Variants in NRXN3 observed in about 807,000 individuals in gnomAD.
NRXN3 encodes neurexin III.
Under a neutral mutation model 137.6 loss-of-function variants are expected in NRXN3, and 32 were observed. The ratio of observed to expected loss-of-function variants is 0.23; its 90% CI spans 0.18 to 0.31. NRXN3 has a LOEUF of 0.31. Among genes scored for constraint, NRXN3 ranks in the 10% least tolerant of loss-of-function variants. The probability of loss-of-function intolerance (pLI) is 1.00; values close to 1 mark genes in which losing one functional copy is unlikely to be tolerated. For synonymous variants in NRXN3, 798 were observed against 784.5 expected, an observed-to-expected ratio of 1.02 and a Z score of -0.29; for missense variants, 1,574 against 2,062.5, an observed-to-expected ratio of 0.76 and a Z score of 4.59.
At chr14:79,653,662 T>C (rs1198600159) in intron 16 of NRXN3, among the ~76,000 whole-genome samples, 1 of 152,192 alleles carries the variant, frequency 6.6e-6, no homozygotes, top group African/African-American at 2.4e-5. Context: ...TTATGCCTAA[T>C]TGAGTGAGCT....
intron 19 of NRXN3, among the ~76,000 whole-genome samples, chr14:79,761,806 C>G (rs1017797944): frequency 3.3e-5 from 5 of 151,020 alleles, no homozygotes; most frequent in African/African-American, 1.2e-4. Context: ...GCTAAATCTA[C>G]TCATATACAA....
At chr14:78,922,439 A>T (rs2099273233) in intron 10 of NRXN3, among the ~76,000 whole-genome samples, 1 of 152,214 alleles carries the variant, frequency 6.6e-6, no homozygotes, top group Non-Finnish European at 1.5e-5. Flanking sequence ...AACAGAAAAA[A>T]ATGTGTATCA....
chr14:78,402,592 A>T (rs1271830472), intron 4 of NRXN3, among the ~76,000 whole-genome samples: 2 of 152,208 alleles, frequency 1.3e-5, no homozygotes, highest in South Asian at 4.1e-4. Flanking sequence ...AAATATGAAG[A>T]TGTAAACAGT....
rs368553207 is a variant in NRXN3, at chr14:79,287,385, C to T, written c.3263-179836C>T. On this transcript the variant is annotated intron_variant, in intron 15 of 20. Transcript: ENST00000335750. Reference sequence around the variant, plus strand: ...TTCAGTAAAGTGAAAAGAGAGGACTCCAAGAAATACTCTGAGATCATTTTG... The same window carrying T: ...TTCAGTAAAGTGAAAAGAGAGGACTTCAAGAAATACTCTGAGATCATTTTG... Among the ~76,000 whole-genome samples, 8 of 152,202 alleles carry T rather than the reference C, an allele frequency of 5.3e-5. No individual in the cohort carries two copies. The East Asian group carries it at 1.5e-3, about 29-fold the overall frequency.
chr14:78,426,184 T>C (rs2093657662), intron 4 of NRXN3, among the ~76,000 whole-genome samples: 3 of 152,132 alleles, frequency 2.0e-5, no homozygotes, highest in Admixed American at 2.0e-4. Context: ...ATCAAGGAAA[T>C]GAGAGCAGAG....
At chr14:79,712,265 C>CT (rs1234631212) in intron 19 of NRXN3, among the ~76,000 whole-genome samples, 1 of 152,182 alleles carries the variant, frequency 6.6e-6, no homozygotes, top group Non-Finnish European at 1.5e-5. Flanking sequence ...GACATATTAA[C>CT]TAATGACTTC....
At chr14:79,193,793 G>A (rs1443172697) in intron 15 of NRXN3, among the ~76,000 whole-genome samples, 2 of 152,182 alleles carry the variant, frequency 1.3e-5, no homozygotes, top group African/African-American at 2.4e-5. Flanking sequence ...CATGAGTAAA[G>A]TGTTTTCTAA....
chr14:78,402,975 TAAG>T (rs1204383035), intron 4 of NRXN3, among the ~76,000 whole-genome samples: 1 of 152,194 alleles, frequency 6.6e-6, no homozygotes, highest in Non-Finnish European at 1.5e-5. Context: ...GTTGGCATCA[TAAG>T]AAGACAACTC....
rs368291521 is a variant in NRXN3 at position 79,026,167 on chromosome 14, C to T, written c.3262+38026C>T. Among the ~76,000 whole-genome samples, 358 of 152,122 alleles carry T rather than the reference C, an allele frequency of 2.4e-3. 2 individuals carry two copies. The highest frequency in any genetic ancestry group is 3.1e-3 in the Non-Finnish European group (211 of 67,994). The stretch of plus-strand genomic sequence containing the variant: ...AAGTAAATAAGCCTATAGTATAAGG[C>T]GCAGCAAAGCTTAATGAATAGATTT... On this transcript the variant is annotated intron_variant, in intron 15 of 20. Transcript: ENST00000335750.
chr14:78,307,781 T>C (rs377374857), intron 4 of NRXN3, among the ~76,000 whole-genome samples: 1 of 152,118 alleles, frequency 6.6e-6, no homozygotes. Flanking sequence ...AGCGATGACA[T>C]GAAACCTAAT....
intron 15 of NRXN3, among the ~76,000 whole-genome samples, chr14:79,075,195 C>T (rs1331783654): frequency 6.6e-6 from 1 of 152,056 alleles, no homozygotes; most frequent in Non-Finnish European, 1.5e-5. Context: ...ATAAAGCATA[C>T]CCATTTCATT....
At chr14:78,701,256 A>T (rs137963216) in intron 6 of NRXN3, among the ~76,000 whole-genome samples, 1 of 152,210 alleles carries the variant, frequency 6.6e-6, no homozygotes, top group Non-Finnish European at 1.5e-5. Flanking sequence ...TACTGTTCAC[A>T]TCTGTAACTG....
chr14:78,387,392 G>A (rs777798956), intron 4 of NRXN3, among the ~76,000 whole-genome samples: 1 of 152,106 alleles, frequency 6.6e-6, no homozygotes, highest in Non-Finnish European at 1.5e-5. Flanking sequence ...TCTAGAAGAC[G>A]CTATGTGACC....
At chr14:78,520,358 T>C (rs1017870475) in intron 4 of NRXN3, among the ~76,000 whole-genome samples, 6 of 152,216 alleles carry the variant, frequency 3.9e-5, no homozygotes, top group African/African-American at 1.4e-4. Context: ...TAGCATTTAA[T>C]TAATCTGGAT....
chr14:78,496,960 G>A (rs771557079), intron 4 of NRXN3, among the ~76,000 whole-genome samples: 1 of 152,048 alleles, frequency 6.6e-6, no homozygotes, highest in Non-Finnish European at 1.5e-5. Context: ...GTTAACTTGA[G>A]TCTTAAGATG....
chr14:79,375,545 C>T (rs1392259271), intron 15 of NRXN3, among the ~76,000 whole-genome samples: 1 of 152,052 alleles, frequency 6.6e-6, no homozygotes, highest in Non-Finnish European at 1.5e-5. Context: ...GGGACGTGCA[C>T]TTGATACACA....
chr14:78,941,483 T>C (rs1183587957), intron 10 of NRXN3, among the ~76,000 whole-genome samples: 1 of 152,168 alleles, frequency 6.6e-6, no homozygotes, highest in Admixed American at 6.5e-5. Context: ...GCATTTCTAG[T>C]TCCTCTACCC....
At chr14:79,794,568 A>C (rs145417889) in intron 19 of NRXN3, among the ~76,000 whole-genome samples, 332 of 152,260 alleles carry the variant, frequency 2.2e-3, no homozygotes, top group African/African-American at 7.8e-3. Flanking sequence ...AAGGGAGAGC[A>C]TGAGCTCCTG....
Position 78,714,753 on chromosome 14 carries a change from C to A in NRXN3, c.1661-3C>A, listed in dbSNP as rs547663707. ...TCACCTGAGATCTGTCTTCCCACCC[C>A]AGGTACTATATCAGTGAACAGCAGG... On this transcript the variant is annotated splice_polypyrimidine_tract_variant and splice_region_variant and intron_variant, in intron 7 of 20. Coordinates refer to ENST00000335750, the MANE Select transcript of NRXN3 (RefSeq NM_001330195.2). 3.0e-5 allele frequency: 49 copies of A among 1,611,108 alleles called. No homozygotes were observed. The South Asian group carries it at 4.9e-4, about 16-fold the overall frequency.
Sources: gnomAD v4.1 joint callset for allele counts (sites outside exome capture counted in the v4.1 genomes callset) on GRCh38, gnomAD v4.1.1 for gene constraint, MANE v1.5 for transcripts, NCBI Gene and HGNC (gene_info 2026-07-23, HGNC 2026-07-21) for gene names.